The following DZANK1 variants were observed in gnomAD, a reference collection of about 807,000 sequenced individuals.
DZANK1 encodes the protein double zinc ribbon and ankyrin repeat-containing protein 1.
In DZANK1, 91 loss-of-function variants were observed where a neutral mutation model predicts 94.5. The observed-to-expected ratio is 0.96, with a 90% confidence interval of 0.81 to 1.15. The LOEUF is 1.15. DZANK1 is among the 50% of genes most tolerant of loss of function. DZANK1 has a pLI of 0.00. For missense variants in DZANK1, 903 were observed against 916.4 expected (o/e 0.99, Z 0.19); for synonymous variants, 312 against 325.3 (o/e 0.96, Z 0.44).
chr20:18,462,881 T>C (rs2059520318), intron 2 of DZANK1, among the ~76,000 whole-genome samples: 1 of 141,930 alleles, frequency 7.0e-6, no homozygotes, highest in African/African-American at 2.7e-5. Flanking sequence ...GAGGTTGCAG[T>C]GACCCAAGAT....
At chr20:18,455,220 T>C in intron 4 of DZANK1, 27 bp downstream of exon 4, 1 of 1,541,652 alleles carries the variant, frequency 6.5e-7, no homozygotes, top group Non-Finnish European at 8.8e-7. Flanking sequence ...AGTGACAATC[T>C]GAATGGATTA....
At chr20:18,438,184 A>G (rs1250986762) in intron 8 of DZANK1, among the ~76,000 whole-genome samples, 11 of 128,314 alleles carry the variant, frequency 8.6e-5, no homozygotes, top group Non-Finnish European at 1.6e-4. Flanking sequence ...ATGTCACTGC[A>G]CTCCAGCCTG....
rs2058382349 is a variant in DZANK1 at position 18,433,693 on chromosome 20, G to A, written c.820C>T (p.Leu274Phe). 2 of 1,614,036 alleles carry A rather than the reference G, an allele frequency of 1.2e-6. No homozygotes were observed. Among genetic ancestry groups the A allele is most frequent in the Non-Finnish European group, 1.7e-6 (2 of 1,179,884 alleles). ...GCCTGTGGCTGCAGCTGTAGAGCAA[G>A]AGGGGCCTCACACACCACACAGATG... Residue 274 changes from leucine to phenylalanine, a missense_variant, in exon 9 of 21, where the codon CTT becomes TTT. Physicochemically the swap from Leu to Phe is conservative, Grantham distance 22 (BLOSUM62 0). Coordinates refer to ENST00000262547, the Ensembl canonical transcript of DZANK1.
At chr20:18,422,468 C>A (rs117077385) in intron 10 of DZANK1, among the ~76,000 whole-genome samples, 1 of 152,150 alleles carries the variant, frequency 6.6e-6, no homozygotes, top group African/African-American at 2.4e-5. Flanking sequence ...ATCTGAAAAT[C>A]TAAAATCTAA....
intron 13 of DZANK1, among the ~76,000 whole-genome samples, chr20:18,402,812 T>G (rs1023543863): frequency 2.6e-5 from 4 of 152,216 alleles, no homozygotes; most frequent in African/African-American, 9.6e-5. Flanking sequence ...TGCAGACCTG[T>G]AAGAATTTGC....
intron 10 of DZANK1, chr20:18,420,311 G>A: frequency 5.7e-6 from 1 of 176,344 alleles, no homozygotes; most frequent in Non-Finnish European, 1.3e-5. Context: ...GAAAATGCAT[G>A]CTGAGTGCAT....
intron 3 of DZANK1, among the ~76,000 whole-genome samples, chr20:18,457,718 G>A (rs2059337870): frequency 6.6e-6 from 1 of 152,078 alleles, no homozygotes. Flanking sequence ...CTCTTTAAAG[G>A]TACAATCTTA....
At position 18,460,141 on chromosome 20, in the gene DZANK1, C is replaced by A. The variant is rs1021410435; in HGVS notation, c.263+12G>T. The stretch of plus-strand genomic sequence containing the variant: ...ATCATAAATTAAATTAATCACCATG[C>A]TCTTAACTTACTTAGAGACAGCAAT... On this transcript the variant is annotated intron_variant, in intron 3 of 20. Transcript: ENST00000262547. The A allele has an allele frequency of 1.0e-5, 15 of 1,478,980 alleles. No individual in the cohort carries two copies. Among genetic ancestry groups the A allele is most frequent in the Non-Finnish European group, 1.3e-5 (14 of 1,094,610 alleles). 91.6% of individuals were successfully genotyped at this position (1,478,980 alleles called of 1,614,324 possible). A position where few individuals can be genotyped will look rare whatever the true frequency, so the allele number is the denominator to read the frequency against.
intron 4 of DZANK1, 66 bp from the exon 5 acceptor site, chr20:18,453,893 TAGAG>T (rs1568544208): frequency 4.0e-6 from 4 of 990,404 alleles, no homozygotes; most frequent in South Asian, 1.3e-5. Flanking sequence ...AGCTGCATGA[TAGAG>T]AAAGTGTCAT....
At chr20:18,457,638 T>C (rs183580045) in intron 3 of DZANK1, among the ~76,000 whole-genome samples, 31 of 152,276 alleles carry the variant, frequency 2.0e-4, no homozygotes, top group Admixed American at 2.6e-4. Flanking sequence ...ATTGCGTTTA[T>C]CCTCATGGCC....
At chr20:18,417,501 T>C (rs1025310655) in intron 10 of DZANK1, among the ~76,000 whole-genome samples, 5 of 152,106 alleles carry the variant, frequency 3.3e-5, no homozygotes, top group Admixed American at 6.6e-5. Flanking sequence ...GAAAAAATTA[T>C]AGAGTGTCAT....
chr20:18,438,218 C>A (rs377230919), intron 8 of DZANK1, among the ~76,000 whole-genome samples: 543 of 57,720 alleles, frequency 9.4e-3, no homozygotes, highest in Middle Eastern at 0.016. Flanking sequence ...GACTCTGTCT[C>A]AAAAAAAAAA....
At position 18,398,772 on chromosome 20, in the gene DZANK1, C is replaced by T. The variant is rs929051577; in HGVS notation, c.1433-146G>A. ...CTTTCCTTAGTGAACCTCAACTATG[C>T]TCTGGAACAAGTTCCATTTTCCTCC... On this transcript the variant is annotated intron_variant, in intron 13 of 20. Transcript: ENST00000262547. 4 of 712,392 alleles carry T rather than the reference C, an allele frequency of 5.6e-6. No homozygotes were observed. The Admixed American group carries it at 1.1e-4, about 19-fold the overall frequency. The allele number at this position is 712,392 out of a possible 1,614,324, so 44.1% of individuals were successfully genotyped here.
intron 13 of DZANK1, among the ~76,000 whole-genome samples, chr20:18,401,430 C>A (rs1042076962): frequency 6.6e-6 from 1 of 152,178 alleles, no homozygotes; most frequent in Non-Finnish European, 1.5e-5. Context: ...AAACAAAACA[C>A]CCCAAAACTT....
At chr20:18,389,960 A>G (rs1352184806) in intron 18 of DZANK1, 132 bp from the exon 19 acceptor site, 4 of 1,361,616 alleles carry the variant, frequency 2.9e-6, no homozygotes, top group Non-Finnish European at 4.0e-6. Context: ...ATCAAAGGAG[A>G]GGAGAATCAG....
intron 13 of DZANK1, among the ~76,000 whole-genome samples, chr20:18,403,644 A>T (rs2148346785): frequency 6.6e-6 from 1 of 152,294 alleles, no homozygotes. Context: ...AGCTAAGAAG[A>T]GCCCTCCTGA....
chr20:18,416,347 G>A (rs1428958738), intron 10 of DZANK1, among the ~76,000 whole-genome samples: 10 of 152,108 alleles, frequency 6.6e-5, no homozygotes, highest in Non-Finnish European at 1.5e-4. Flanking sequence ...AAGCTCCACC[G>A]GCCAGCTTCC....
chr20:18,390,493 C>T (rs747239935), intron 17 of DZANK1, 34 bp from the exon 18 acceptor site: 2 of 1,595,148 alleles, frequency 1.3e-6, no homozygotes, highest in East Asian at 2.2e-5. Context: ...ATTTCCCCCA[C>T]TTCAAAATAT....
chr20:18,454,083 T>C, intron 4 of DZANK1: 1 of 555,840 alleles, frequency 1.8e-6, no homozygotes, highest in South Asian at 1.5e-5. Flanking sequence ...GAGCAGCACA[T>C]GCAGGCAGGA....
Sources: gnomAD v4.1 joint callset for allele counts (sites outside exome capture counted in the v4.1 genomes callset) on GRCh38, gnomAD v4.1.1 for gene constraint, MANE v1.5 for transcripts, NCBI Gene and HGNC (gene_info 2026-07-23, HGNC 2026-07-21) for gene names.